The following KANTR variants were observed in gnomAD, a reference collection of about 807,000 sequenced individuals.
KANTR encodes KANTR integral membrane protein, also known as KDM5C adjacent transcript.
downstream of KANTR, among the ~76,000 whole-genome samples, chrX:53,130,398 C>G (rs1437658681): frequency 8.9e-6 from 1 of 111,877 alleles, no homozygotes; most frequent in African/African-American, 3.2e-5. Context: ...GGACTTGAGA[C>G]AGACTGCCTG....
intron 2 of KANTR, among the ~76,000 whole-genome samples, chrX:53,133,071 AG>A (rs1556817210): frequency 9.0e-6 from 1 of 111,053 alleles, no homozygotes. Context: ...ACATAAAACA[AG>A]AAAGCGGTGG....
intron 1 of KANTR, among the ~76,000 whole-genome samples, chrX:53,098,050 CAAA>C (rs782145330): frequency 4.2e-3 from 185 of 44,238 alleles, no homozygotes; most frequent in African/African-American, 0.013. Flanking sequence ...GACTCTGTCT[CAAA>C]AAAAAAAAAA....
intron 1 of KANTR, among the ~76,000 whole-genome samples, chrX:53,096,683 G>A (rs1055099640): frequency 2.1e-4 from 22 of 103,633 alleles, no homozygotes; most frequent in African/African-American, 6.4e-4. Flanking sequence ...AAAATTAGCC[G>A]GGTGTTGTGG....
intron 2 of KANTR, among the ~76,000 whole-genome samples, chrX:53,137,906 A>T (rs56033720): frequency 9.3e-6 from 1 of 107,327 alleles, no homozygotes; most frequent in African/African-American, 3.4e-5. Context: ...TTGGTTTTTT[A>T]ATTTTCTTTT....
chrX:53,128,757 T>A (rs1383833132), downstream of KANTR, among the ~76,000 whole-genome samples: 2 of 110,692 alleles, frequency 1.8e-5, no homozygotes, highest in Non-Finnish European at 3.8e-5. Context: ...CCTTTTCTAT[T>A]TTTTCTTGTT....
chrX:53,114,365 C>G (rs1933092574), intron 2 of KANTR, among the ~76,000 whole-genome samples: 1 of 112,470 alleles, frequency 8.9e-6, no homozygotes, highest in Non-Finnish European at 1.9e-5. Context: ...TGTTCTTGAT[C>G]CTTGTGGCTG....
rs182511116 is a variant in KANTR, at chrX:53,123,465, G to A, written c.-804-4G>A. 1 of 111,618 alleles carries A rather than the reference G, an allele frequency of 9.0e-6. No homozygotes were observed. Among genetic ancestry groups the A allele is most frequent in the African/African-American group, 3.3e-5 (1 of 30,702 alleles). 9.2% of individuals were successfully genotyped at this position (111,618 alleles called of 1,213,427 possible). A position where few individuals can be genotyped will look rare whatever the true frequency, so the allele number is the denominator to read the frequency against. ...CAAAATAATGATGAAGCTCTTATTT[G>A]CAGAACATGCATCATTATTAGAACC... On this transcript the variant is annotated splice_polypyrimidine_tract_variant and splice_region_variant and intron_variant, in intron 2 of 2. Coordinates refer to ENST00000604062, the Ensembl canonical transcript of KANTR.
intron 2 of KANTR, among the ~76,000 whole-genome samples, chrX:53,111,853 C>T (rs1217191444): frequency 8.9e-6 from 1 of 112,130 alleles, no homozygotes; most frequent in Non-Finnish European, 1.9e-5. Context: ...CAAAATAAGG[C>T]GGGTTAGACA....
At chrX:53,143,285 G>A (rs1556818752), downstream of KANTR, 14 of 600,251 alleles carry the variant, frequency 2.3e-5, no homozygotes, top group South Asian at 4.9e-5. Context: ...ACACCTTCTC[G>A]TTGATGTCGC....
intron 2 of KANTR, among the ~76,000 whole-genome samples, chrX:53,119,651 A>G (rs1356460671): frequency 1.8e-5 from 2 of 112,136 alleles, no homozygotes; most frequent in Non-Finnish European, 3.8e-5. Context: ...GATATTTGAT[A>G]AAGCAAAATC....
At chrX:53,098,433 A>G (rs1932863523) in intron 1 of KANTR, among the ~76,000 whole-genome samples, 1 of 111,587 alleles carries the variant, frequency 9.0e-6, no homozygotes, top group South Asian at 3.7e-4. Context: ...GGCTGTGGCA[A>G]ATTCTTAAAA....
At chrX:53,107,860 G>A (rs1157091475) in intron 2 of KANTR, among the ~76,000 whole-genome samples, 1 of 109,968 alleles carries the variant, frequency 9.1e-6, no homozygotes, top group African/African-American at 3.4e-5. Context: ...GGGATTACAG[G>A]TGTGAACCAC....
intron 2 of KANTR, among the ~76,000 whole-genome samples, chrX:53,109,758 C>CTTT (rs34763193): frequency 1.0e-5 from 1 of 96,506 alleles, no homozygotes. Flanking sequence ...TTTTTTCTTT[C>CTTT]TTTTTTTTTT....
intron 2 of KANTR, among the ~76,000 whole-genome samples, chrX:53,116,702 G>A (rs1569237149): frequency 9.0e-6 from 1 of 111,508 alleles, no homozygotes; most frequent in African/African-American, 3.3e-5. Flanking sequence ...CTGTGGCTTT[G>A]GTTAATTGCC....
At chrX:53,105,158 A>G (rs1396282055) in intron 2 of KANTR, among the ~76,000 whole-genome samples, 1 of 111,532 alleles carries the variant, frequency 9.0e-6, no homozygotes, top group East Asian at 2.8e-4. Context: ...TGCTGAGATG[A>G]TAGGTATGAG....
At chrX:53,109,845 C>T (rs782025863) in intron 2 of KANTR, among the ~76,000 whole-genome samples, 1 of 109,208 alleles carries the variant, frequency 9.2e-6, no homozygotes, top group Admixed American at 9.8e-5. Context: ...CCCCCGTCTC[C>T]TGGGTTCAAG....
rs957537715 is a variant in KANTR, at chrX:53,122,309, C to T, written c.-804-1160C>T. Among the ~76,000 whole-genome samples the T allele has an allele frequency of 2.7e-5, 3 of 111,920 alleles. No individual in the cohort carries two copies. In the Admixed American group the frequency reaches 2.9e-4, roughly 11 times the overall value. ...TTTCCTCTCTTAGTCCTGGAATCAG[C>T]CATTTCTCCAAGGAACCCTGGTTCC... On this transcript the variant is annotated intron_variant, in intron 2 of 2. Transcript: ENST00000604062.
downstream of KANTR, chrX:53,143,835 G>A (rs138354959): frequency 1.9e-4 from 91 of 480,069 alleles, no homozygotes; most frequent in East Asian, 3.5e-3. Flanking sequence ...CAGCTCAGGG[G>A]CCATCCATCC....
At chrX:53,124,136 G>A in exon 3 of KANTR, 1 of 291,645 alleles carries the variant, frequency 3.4e-6, no homozygotes, top group Non-Finnish European at 6.0e-6. Flanking sequence ...CTATGGAACT[G>A]TTGAGGATTT....
Sources: allele counts gnomAD v4.1 joint callset (sites outside exome capture counted in the v4.1 genomes callset), GRCh38; gene constraint gnomAD v4.1.1; transcripts MANE v1.5; gene names NCBI Gene and HGNC (gene_info 2026-07-23, HGNC 2026-07-21).